Variants in DZANK1 observed in about 807,000 individuals in gnomAD.
The protein encoded by DZANK1 is double zinc ribbon and ankyrin repeat domains 1.
Under a neutral mutation model 94.5 loss-of-function variants are expected in DZANK1, and 91 were observed. That is an observed-to-expected ratio of 0.96 (90% CI 0.81 to 1.15). DZANK1 has a LOEUF of 1.15. Among genes scored for constraint, DZANK1 ranks in the 50% most tolerant of loss-of-function variants. DZANK1 has a pLI of 0.00. For synonymous variants in DZANK1, 312 were observed against 325.3 expected, an observed-to-expected ratio of 0.96 and a Z score of 0.44; for missense variants, 903 against 916.4, an observed-to-expected ratio of 0.99 and a Z score of 0.19.
Position 18,422,004 on chromosome 20 carries a change from G to A in DZANK1, c.954+5063C>T, listed in dbSNP as rs76031532. 7.3e-3 allele frequency among the ~76,000 whole-genome samples: 1,117 copies of A among 152,260 alleles called. 15 individuals are homozygous for A. Among genetic ancestry groups the A allele is most frequent in the African/African-American group, 0.026 (1,081 of 41,544 alleles). On this transcript the variant is annotated intron_variant, in intron 10 of 20. Transcript: ENST00000262547. ...GTTTGAACATATTTTCTTCCATTCT[G>A]TAGGTTGTCTCTTAACTGTGTTCAT... is the stretch of plus-strand genomic sequence containing the variant.
chr20:18,426,553 C>G (rs2058052822), intron 10 of DZANK1, among the ~76,000 whole-genome samples: 1 of 152,126 alleles, frequency 6.6e-6, no homozygotes, highest in South Asian at 2.1e-4. Context: ...TCATCAGAAA[C>G]GTTTTATAAA....
intron 14 of DZANK1, among the ~76,000 whole-genome samples, chr20:18,397,469 CCCCATGAGA>C (rs2148270195): frequency 6.6e-6 from 1 of 152,266 alleles, no homozygotes; most frequent in East Asian, 1.9e-4. Context: ...AAATCTTGAA[CCCCATGAGA>C]CCCAGCAGTG....
At chr20:18,438,112 G>A (rs979518570) in intron 8 of DZANK1, among the ~76,000 whole-genome samples, 1 of 151,162 alleles carries the variant, frequency 6.6e-6, no homozygotes, top group Non-Finnish European at 1.5e-5. Flanking sequence ...CCAGCTACTC[G>A]GGAGGCTGAG....
chr20:18,450,113 C>CAAAT (rs2059046035), intron 6 of DZANK1, among the ~76,000 whole-genome samples: 2 of 144,570 alleles, frequency 1.4e-5, no homozygotes, highest in Admixed American at 1.4e-4. Flanking sequence ...AATAAATAAA[C>CAAAT]AAACAAACAA....
chr20:18,414,275 C>T (rs1016100812), intron 12 of DZANK1, 73 bp downstream of exon 12: 2 of 1,526,274 alleles, frequency 1.3e-6, no homozygotes, highest in Non-Finnish European at 1.8e-6. Flanking sequence ...GGTTGATTCA[C>T]AGGGTGGAGC....
At chr20:18,445,001 G>C (rs1435666298) in intron 7 of DZANK1, among the ~76,000 whole-genome samples, 1 of 151,882 alleles carries the variant, frequency 6.6e-6, no homozygotes, top group African/African-American at 2.4e-5. Flanking sequence ...TAGAGATGGG[G>C]TTTCACTGTG....
At chr20:18,412,585 G>T in intron 13 of DZANK1, 61 bp downstream of exon 13, 1 of 1,477,512 alleles carries the variant, frequency 6.8e-7, no homozygotes, top group Non-Finnish European at 9.4e-7. Flanking sequence ...AAAATGAAAT[G>T]TTCTTTCACA....
chr20:18,426,596 A>T (rs961145296), intron 10 of DZANK1, among the ~76,000 whole-genome samples: 2 of 152,240 alleles, frequency 1.3e-5, no homozygotes, highest in African/African-American at 4.8e-5. Context: ...TTTAAAGTGC[A>T]TATACTCGTA....
chr20:18,413,194 C>T (rs2057338536), intron 12 of DZANK1: 1 of 301,686 alleles, frequency 3.3e-6, no homozygotes, highest in African/African-American at 2.2e-5. Context: ...TGGTCACCAA[C>T]ATTTTCTCTA....
intron 7 of DZANK1, among the ~76,000 whole-genome samples, chr20:18,443,822 C>A (rs1439502716): frequency 6.6e-6 from 1 of 152,106 alleles, no homozygotes; most frequent in Non-Finnish European, 1.5e-5. Context: ...GGAATTCCAG[C>A]AATTTTTACA....
At chr20:18,465,289 G>A (rs1407670033) in exon 2 of DZANK1, 1 of 1,609,252 alleles carries the variant, frequency 6.2e-7, no homozygotes, top group South Asian at 1.1e-5. Context: ...TCAATTTCAT[G>A]GTTAGCTTTT....
intron 19 of DZANK1, 56 bp downstream of exon 19, chr20:18,389,645 C>T (rs1703495236): frequency 2.5e-6 from 4 of 1,602,664 alleles, no homozygotes; most frequent in Admixed American, 1.7e-5. Flanking sequence ...TGCAGTGGAG[C>T]TCCAAGCAGT....
intron 16 of DZANK1, among the ~76,000 whole-genome samples, 165 bp from the exon 17 acceptor site, chr20:18,393,976 CTGTCCAGGAACCA>C (rs2056175330): frequency 6.6e-6 from 1 of 152,156 alleles, no homozygotes; most frequent in Admixed American, 6.5e-5. Context: ...AGCCACTCTC[CTGTCCAGGAACCA>C]GAGGAAGGGT....
intron 3 of DZANK1, among the ~76,000 whole-genome samples, chr20:18,459,033 C>A (rs556736873): frequency 5.3e-5 from 8 of 152,210 alleles, no homozygotes; most frequent in African/African-American, 1.9e-4. Context: ...ATTTTTTACT[C>A]TCTCTTGAAA....
At chr20:18,422,122 G>GA (rs970143577) in intron 10 of DZANK1, among the ~76,000 whole-genome samples, 1 of 151,958 alleles carries the variant, frequency 6.6e-6, no homozygotes, top group African/African-American at 2.4e-5. Context: ...GGTCATATCC[G>GA]AAAAAAATCA....
At chr20:18,385,854 T>A (rs1460601841) in intron 19 of DZANK1, among the ~76,000 whole-genome samples, 1 of 151,892 alleles carries the variant, frequency 6.6e-6, no homozygotes. Context: ...GCCTGAGAGG[T>A]CAGACACAGC....
chr20:18,394,163 C>T, intron 16 of DZANK1, 91 bp downstream of exon 16: 1 of 1,069,068 alleles, frequency 9.4e-7, no homozygotes, highest in Non-Finnish European at 1.4e-6. Flanking sequence ...TGTGACCGGG[C>T]TGTCAAACTC....
At chr20:18,459,244 G>A (rs766915692) in intron 3 of DZANK1, among the ~76,000 whole-genome samples, 2 of 152,104 alleles carry the variant, frequency 1.3e-5, no homozygotes, top group African/African-American at 2.4e-5. Context: ...GAATAATAAC[G>A]TGCATATACT....
At chr20:18,449,755 CAA>C (rs55784090) in intron 6 of DZANK1, among the ~76,000 whole-genome samples, 20,715 of 99,116 alleles carry the variant, frequency 0.21, 1,713 homozygotes, top group Non-Finnish European at 0.25. Flanking sequence ...GACTCTGTCT[CAA>C]AAAAAAAAAA....
Sources: allele counts gnomAD v4.1 joint callset (sites outside exome capture counted in the v4.1 genomes callset), GRCh38; gene constraint gnomAD v4.1.1; transcripts MANE v1.5; gene names NCBI Gene and HGNC (gene_info 2026-07-23, HGNC 2026-07-21).